Variants in SURF2 observed in about 807,000 individuals in gnomAD.
SURF2 encodes the protein surfeit locus protein 2.
In SURF2, 32 loss-of-function variants were observed where a neutral mutation model predicts 26.2. The observed-to-expected ratio is 1.22, with a 90% confidence interval of 0.92 to 1.64. SURF2 has a LOEUF of 1.64. SURF2 is among the 40% of genes most tolerant of loss of function. The pLI, the probability that SURF2 is intolerant of heterozygous loss-of-function variation, is 0.00. For missense variants in SURF2, 415 were observed against 341.6 expected (o/e 1.21, Z -1.69); for synonymous variants, 173 against 139.1 (o/e 1.24, Z -1.71).
rs955864353 is a variant in SURF2 at position 133,359,861 on chromosome 9, T to G, written c.338-89T>G. The stretch of plus-strand genomic sequence containing the variant: ...CCAGGGCGGTGGGGCTGTGGGGCCC[T>G]GGCCGAGTGCAGTCCTCATAAGTTA... On this transcript the variant is annotated intron_variant, in intron 3 of 5. Coordinates refer to ENST00000371964, the MANE Select transcript of SURF2 (RefSeq NM_017503.5). 5 of 1,443,162 alleles carry G rather than the reference T, an allele frequency of 3.5e-6. No homozygotes were observed. The African/African-American group carries it at 7.1e-5, about 21-fold the overall frequency. 89.4% of individuals were successfully genotyped at this position (1,443,162 alleles called of 1,614,324 possible).
In SURF2 at chr9:133,356,569, G is replaced by T; in HGVS notation, c.-24G>T. 2.0e-6 allele frequency: 3 copies of T among 1,514,746 alleles called. No homozygotes were observed. The highest frequency in any genetic ancestry group is 4.0e-5 in the Admixed American group (2 of 49,418). 93.8% of individuals were successfully genotyped at this position (1,514,746 alleles called of 1,614,324 possible). A position where few individuals can be genotyped will look rare whatever the true frequency, so the allele number is the denominator to read the frequency against. On this transcript the variant is annotated 5_prime_UTR_variant, in exon 1 of 6. Coordinates refer to ENST00000371964, the MANE Select transcript of SURF2 (RefSeq NM_017503.5). ...CAGGTTCTGCGAGCGGCTTCCGCCG[G>T]GCTGCTCCGCGGGCGCGTCGGCCAT...
Position 133,357,799 on chromosome 9 carries a change from C to T in SURF2, c.322C>T (p.Arg108Ter), listed in dbSNP as rs2130036799. The change falls in exon 3 of 6, where the codon CGA becomes TGA. Residue 108 changes from arginine to a stop codon, truncating the protein, a stop_gained. Coordinates refer to ENST00000371964, the MANE Select transcript of SURF2 (RefSeq NM_017503.5). LOFTEE classifies it high-confidence loss of function. The part of the protein sequence containing the change: ...LRHTQGRRYQ[R>*]ALCKYEECQK... ...GCACACCCAGGGCCGGCGGTACCAG[C>T]GAGCTCTGTGTAAATGTAAGTCCCA... 9.9e-6 allele frequency: 16 copies of T among 1,613,538 alleles called. No individual in the cohort carries two copies. The African/African-American group carries it at 2.0e-4, about 20-fold the overall frequency.
chr9:133,360,339 G>A lies in SURF2; in HGVS notation c.592G>A (p.Glu198Lys). 6.2e-7 allele frequency: 1 copy of A among 1,614,192 alleles called. No individual in the cohort carries two copies. Among genetic ancestry groups the A allele is most frequent in the Non-Finnish European group, 8.5e-7 (1 of 1,180,042 alleles). Residue 198 changes from glutamate to lysine, a missense_variant, in exon 5 of 6, where the codon GAG (glutamate) becomes AAG (lysine). By Grantham distance (56) the Glu-to-Lys change is moderately conservative. Coordinates refer to ENST00000371964, the MANE Select transcript of SURF2 (RefSeq NM_017503.5). ...DGTDDFLTDK[E>K]DEKAKPPREK... ...CACTGATGACTTTTTGACAGACAAA[G>A]AGGATGAGAAGGCAAAGCCCCCAAG...
intron 2 of SURF2, chr9:133,357,339 T>G (rs1836634124): frequency 1.9e-6 from 1 of 520,642 alleles, no homozygotes; most frequent in African/African-American, 1.9e-5. Flanking sequence ...AGCGTTGGGT[T>G]CTTCCCTTAA....
In SURF2 at chr9:133,356,902, A is replaced by C. The variant is rs1186754961; in HGVS notation, c.79-12A>C. 1.3e-6 allele frequency: 2 copies of C among 1,542,672 alleles called. No homozygotes were observed. Among genetic ancestry groups the C allele is most frequent in the African/African-American group, 1.4e-5 (1 of 72,940 alleles). On this transcript the variant is annotated splice_polypyrimidine_tract_variant and intron_variant, in intron 1 of 5. Transcript: ENST00000371964. Reference sequence around the variant, plus strand: ...GGCCCTCCTGACGTCCTGCCCGCCCACGCGTCCGCAGGTGAGGTGCATCCT... The same window carrying C: ...GGCCCTCCTGACGTCCTGCCCGCCCCCGCGTCCGCAGGTGAGGTGCATCCT...
In SURF2 at chr9:133,356,633, A is replaced by G. The variant is rs1466914205; in HGVS notation, c.41A>G (p.Glu14Gly). Residue 14 changes from glutamate to glycine, a missense_variant, in exon 1 of 6, where the codon GAG (glutamate) becomes GGG (glycine). Coordinates refer to ENST00000371964, the MANE Select transcript of SURF2 (RefSeq NM_017503.5). ...GGCGACGTGCGGGCGTTTCTGCGGG[A>G]GCACCCGAGCCTGCGGCTCCAGACG... Reference protein sequence around the residue: ...LPGDVRAFLREHPSLRLQTDA... With the variant: ...LPGDVRAFLRGHPSLRLQTDA... 2.0e-6 allele frequency: 3 copies of G among 1,525,512 alleles called. No homozygotes were observed. Among genetic ancestry groups the G allele is most frequent in the Non-Finnish European group, 2.6e-6 (3 of 1,143,542 alleles). The allele number at this position is 1,525,512 out of a possible 1,614,324, so 94.5% of individuals were successfully genotyped here.
At chr9:133,356,793 G>A in intron 1 of SURF2, 121 bp from the exon 2 acceptor site, 1 of 1,395,298 alleles carries the variant, frequency 7.2e-7, no homozygotes. Context: ...GGAGAGAGGG[G>A]AGGGCAGGGG....
intron 3 of SURF2, 34 bp from the exon 4 acceptor site, chr9:133,359,916 G>A (rs2130044904): frequency 6.3e-6 from 10 of 1,576,632 alleles, no homozygotes; most frequent in Admixed American, 1.7e-5. Context: ...TGGGGGGTGT[G>A]GAGGTACCCA....
intron 2 of SURF2, 70 bp from the exon 3 acceptor site, chr9:133,357,641 C>T (rs782369438): frequency 6.7e-7 from 1 of 1,486,026 alleles, no homozygotes; most frequent in South Asian, 1.1e-5. Context: ...GGGATGAGTC[C>T]AAGACACAGC....
At position 133,361,035 on chromosome 9, in the gene SURF2, AG is replaced by A. The variant is rs1343592973; in HGVS notation, c.688-20del. The A allele has an allele frequency of 2.5e-6, 4 of 1,613,734 alleles. No individual in the cohort carries two copies. Among genetic ancestry groups the A allele is most frequent in the Non-Finnish European group, 3.4e-6 (4 of 1,179,780 alleles). ...ATGGGATCAGAAAGGCTCAGTAATC[AG>A]AATTTTGTTTATCCCACAGAAGCAG... On this transcript the variant is annotated intron_variant, in intron 5 of 5. Coordinates refer to ENST00000371964, the MANE Select transcript of SURF2 (RefSeq NM_017503.5).
rs74713084 is a variant in SURF2 at position 133,360,428 on chromosome 9, C to G, written c.681C>G (p.Arg227=). The change falls in exon 5 of 6, where the codon CGC becomes CGG. Residue 227 remains arginine, a synonymous_variant. Coordinates refer to ENST00000371964, the MANE Select transcript of SURF2 (RefSeq NM_017503.5). ...TGTACCGAGGGCTGGTCCAGAAGCG[C>G]GGGAAGGTGAGCTGTCACCTCCTCT... ...TTVYRGLVQK[R]GKKQLGSLKK... 2 of 1,606,116 alleles carry G rather than the reference C, an allele frequency of 1.2e-6. No homozygotes were observed. Among genetic ancestry groups the G allele is most frequent in the Non-Finnish European group, 8.5e-7 (1 of 1,178,482 alleles).
intron 1 of SURF2, 105 bp from the exon 2 acceptor site, chr9:133,356,809 G>A: frequency 7.0e-7 from 1 of 1,426,996 alleles, no homozygotes; most frequent in Non-Finnish European, 9.3e-7. Flanking sequence ...AGGGGAGAGG[G>A]CGCGGCGGGA....
intron 2 of SURF2, chr9:133,357,289 A>AT (rs1836632639): frequency 1.3e-5 from 7 of 544,378 alleles, no homozygotes; most frequent in Middle Eastern, 4.7e-4. Context: ...TGCTTCCCAG[A>AT]TGAGTAGAGG....
Position 133,359,963 on chromosome 9 carries a change from G to C in SURF2, c.351G>C (p.Gln117His), listed in dbSNP as rs1457627325. The C allele has an allele frequency of 6.2e-7, 1 of 1,610,890 alleles. No individual in the cohort carries two copies. The highest frequency in any genetic ancestry group is 1.3e-5 in the African/African-American group (1 of 74,890). ...CTTATCTCCCAGATGAAGAATGTCA[G>C]AAGCAAGGGGTGGAGTACGTGCCTG... ...QRALCKYEECQKQGVEYVPAC... is the reference protein window; with the variant it reads ...QRALCKYEECHKQGVEYVPAC... The change falls in exon 4 of 6, where the codon CAG (glutamine) becomes CAC (histidine). Residue 117 changes from glutamine to histidine, a missense_variant. Coordinates refer to ENST00000371964, the MANE Select transcript of SURF2 (RefSeq NM_017503.5).
In SURF2 at chr9:133,361,077, AAG is replaced by A; in HGVS notation, c.711_712del (p.Lys238ValfsTer15). On this transcript the variant is annotated frameshift_variant, in exon 6 of 6. Coordinates refer to ENST00000371964, the MANE Select transcript of SURF2 (RefSeq NM_017503.5). LOFTEE classifies it high-confidence loss of function. ...RGKKQLGSLK[K>X]KFKSHHRKPK... ...ACAGAAGCAGTTGGGCTCGTTGAAA[AAG>A]AAGTTCAAGAGTCATCACCGCAAAC... 1 of 1,614,152 alleles carries A rather than the reference AAG, an allele frequency of 6.2e-7. No individual in the cohort carries two copies. The highest frequency in any genetic ancestry group is 8.5e-7 in the Non-Finnish European group (1 of 1,180,008).
At position 133,356,935 on chromosome 9, in the gene SURF2, C is replaced by T; in HGVS notation, c.100C>T (p.His34Tyr). Reference protein sequence around the residue: ...ARKVRCILTGHELPCRLPELQ... With the variant: ...ARKVRCILTGYELPCRLPELQ... ...GCAGGTGAGGTGCATCCTGACAGGT[C>T]ACGAGCTGCCCTGCCGCCTGCCGGA... is the stretch of plus-strand genomic sequence containing the variant. The change falls in exon 2 of 6, where the codon CAC (histidine) becomes TAC (tyrosine). Residue 34 changes from histidine to tyrosine, a missense_variant. Coordinates refer to ENST00000371964, the MANE Select transcript of SURF2 (RefSeq NM_017503.5). 1 of 1,564,362 alleles carries T rather than the reference C, an allele frequency of 6.4e-7. No homozygotes were observed. The highest frequency in any genetic ancestry group is 8.7e-7 in the Non-Finnish European group (1 of 1,155,104).
In SURF2 at chr9:133,360,120, C is replaced by T. The variant is rs1836720531; in HGVS notation, c.508C>T (p.Leu170=). The T allele has an allele frequency of 1.9e-6, 3 of 1,608,684 alleles. No homozygotes were observed. The highest frequency in any genetic ancestry group is 2.5e-6 in the Non-Finnish European group (3 of 1,176,732). The change falls in exon 4 of 6, where the codon CTG becomes TTG. Residue 170 remains leucine, a synonymous_variant. Transcript: ENST00000371964. ...GAASDDSMTD[L]YPPELFTRKD... ...TGCAAGTGATGACAGCATGACAGAC[C>T]TGTACCCACGTAAGCAGAACAGGCC... is the stretch of plus-strand genomic sequence containing the variant.
chr9:133,360,506 A>T, intron 5 of SURF2, 72 bp downstream of exon 5: 1 of 1,440,802 alleles, frequency 6.9e-7, no homozygotes. Flanking sequence ...GTTTAAAAAA[A>T]GAAAACTGAA....
chr9:133,357,613 C>T, intron 2 of SURF2, 98 bp from the exon 3 acceptor site: 1 of 1,172,826 alleles, frequency 8.5e-7, no homozygotes, highest in East Asian at 2.4e-5. Context: ...ATGTCCAAGC[C>T]GCATGGTAGA....
Sources: allele counts gnomAD v4.1 joint callset, GRCh38; gene constraint gnomAD v4.1.1; transcripts MANE v1.5; gene names NCBI Gene and HGNC (gene_info 2026-07-23, HGNC 2026-07-21).